The following ASTN1 variants were observed in gnomAD, a reference collection of about 807,000 sequenced individuals.
ASTN1 encodes astrotactin 1.
A neutral mutation model predicts 140.7 loss-of-function variants in ASTN1; 41 were observed. The ratio of observed to expected loss-of-function variants is 0.29; its 90% CI spans 0.23 to 0.38. ASTN1 has a LOEUF of 0.38. Among genes scored for constraint, ASTN1 ranks in the 10% least tolerant of loss-of-function variants. The probability of loss-of-function intolerance (pLI) is 1.00; values close to 1 mark genes in which losing one functional copy is unlikely to be tolerated. For missense variants in ASTN1, 1,479 were observed against 1,678.8 expected (o/e 0.88, Z 2.08); for synonymous variants, 640 against 652.2 (o/e 0.98, Z 0.29).
intron 8 of ASTN1, among the ~76,000 whole-genome samples, chr1:176,973,167 T>C (rs1449054599): frequency 1.3e-5 from 2 of 152,146 alleles, no homozygotes; most frequent in African/African-American, 4.8e-5. Context: ...CTCCCTGGTC[T>C]CAATTTCAAG....
At chr1:177,066,193 C>T (rs946957786) in intron 1 of ASTN1, among the ~76,000 whole-genome samples, 4 of 152,156 alleles carry the variant, frequency 2.6e-5, no homozygotes, top group Non-Finnish European at 4.4e-5. Flanking sequence ...ATAGGGTGGA[C>T]AGGCTTGGGA....
chr1:177,075,423 CAA>C (rs5778926), intron 1 of ASTN1, among the ~76,000 whole-genome samples: 10,012 of 145,614 alleles, frequency 0.069, 400 homozygotes, highest in Non-Finnish European at 0.092. Flanking sequence ...TTTCATTCAT[CAA>C]AAAAAAAAAA....
Position 177,030,685 on chromosome 1 carries a change from G to A in ASTN1, c.1012+121C>T. The stretch of plus-strand genomic sequence containing the variant: ...GTAGCATTTAACTGGCCTCCAGAAA[G>A]GCTGTGCCAGGGCATACCCTCTCCA... On this transcript the variant is annotated intron_variant, in intron 4 of 22. Coordinates refer to ENST00000361833, the MANE Select transcript of ASTN1 (RefSeq NM_004319.3). 3.0e-6 allele frequency: 4 copies of A among 1,345,138 alleles called. No homozygotes were observed. The Admixed American group carries it at 9.5e-5, about 32-fold the overall frequency. The allele number at this position is 1,345,138 out of a possible 1,614,324, so 83.3% of individuals were successfully genotyped here. A position where few individuals can be genotyped will look rare whatever the true frequency, so the allele number is the denominator to read the frequency against.
At chr1:177,005,874 G>T (rs570234041) in intron 8 of ASTN1, among the ~76,000 whole-genome samples, 1 of 152,158 alleles carries the variant, frequency 6.6e-6, no homozygotes, top group Non-Finnish European at 1.5e-5. Context: ...CTCCCAAAGC[G>T]CTGGGATTAC....
chr1:177,062,988 G>C (rs978213157), intron 1 of ASTN1, among the ~76,000 whole-genome samples: 1 of 152,182 alleles, frequency 6.6e-6, no homozygotes, highest in African/African-American at 2.4e-5. Flanking sequence ...GGGTAGAAGA[G>C]GGGAGGAAAG....
intron 5 of ASTN1, among the ~76,000 whole-genome samples, chr1:177,026,296 C>T (rs980600901): frequency 6.6e-6 from 1 of 152,148 alleles, no homozygotes; most frequent in African/African-American, 2.4e-5. Flanking sequence ...GCCCAGGCCT[C>T]AGATGCAGAT....
chr1:176,946,668 A>G (rs761956523), intron 12 of ASTN1, among the ~76,000 whole-genome samples: 8 of 152,198 alleles, frequency 5.3e-5, no homozygotes, highest in Non-Finnish European at 1.0e-4. Flanking sequence ...TCCAAACACA[A>G]TATCAACCCA....
Position 177,134,367 on chromosome 1 carries a change from G to A in ASTN1, c.283+30027C>T, listed in dbSNP as rs1282059053. Among the ~76,000 whole-genome samples the A allele has an allele frequency of 1.3e-5, 2 of 152,148 alleles. 1 individual carries two copies. The highest frequency in any genetic ancestry group is 3.9e-4 in the East Asian group (2 of 5,190). On this transcript the variant is annotated intron_variant, in intron 1 of 22. Transcript: ENST00000361833. ...AATCAGCTCTTACAGTTCTGATCTT[G>A]TTAGAGAACACTGATCTTCCACCCC...
intron 8 of ASTN1, among the ~76,000 whole-genome samples, chr1:176,992,437 G>A (rs1674229247): frequency 2.0e-5 from 3 of 151,674 alleles, no homozygotes; most frequent in Non-Finnish European, 2.9e-5. Context: ...TGCCTTGAAC[G>A]TTGTAAAAAA....
At chr1:176,970,731 G>GGGGTGTGT (rs1553235892) in intron 8 of ASTN1, among the ~76,000 whole-genome samples, 3 of 147,140 alleles carry the variant, frequency 2.0e-5, no homozygotes, top group African/African-American at 7.5e-5. Flanking sequence ...TGTGGGTATG[G>GGGGTGTGT]GTGTGTGTGT....
chr1:176,985,964 TG>T (rs1395372536), intron 8 of ASTN1, among the ~76,000 whole-genome samples: 9 of 149,972 alleles, frequency 6.0e-5, no homozygotes, highest in Admixed American at 5.3e-4. Flanking sequence ...GCTGAAACCC[TG>T]ATACACTCAG....
chr1:176,954,572 T>C (rs1672322378), intron 11 of ASTN1, among the ~76,000 whole-genome samples: 1 of 152,238 alleles, frequency 6.6e-6, no homozygotes, highest in South Asian at 2.1e-4. Context: ...TGTGGTAGTT[T>C]GTTACAGAGG....
chr1:177,081,014 A>G (rs926169112), intron 1 of ASTN1, among the ~76,000 whole-genome samples: 1 of 152,184 alleles, frequency 6.6e-6, no homozygotes, highest in African/African-American at 2.4e-5. Context: ...GACTCACGAG[A>G]GAGATAACAA....
At chr1:176,880,503 TCA>T (rs1380021338) in intron 20 of ASTN1, among the ~76,000 whole-genome samples, 1 of 152,226 alleles carries the variant, frequency 6.6e-6, no homozygotes, top group African/African-American at 2.4e-5. Flanking sequence ...TACCCTGGCC[TCA>T]GTTTCTTCAT....
intron 1 of ASTN1, among the ~76,000 whole-genome samples, chr1:177,086,229 T>C (rs1679462569): frequency 7.3e-6 from 1 of 137,592 alleles, no homozygotes; most frequent in Admixed American, 7.5e-5. Context: ...AGTGAGCTTC[T>C]TTCCTCTTTC....
chr1:177,149,425 A>ATATAGTAAATATATATATAGTATATG (rs1682905277), intron 1 of ASTN1, among the ~76,000 whole-genome samples: 1 of 80,182 alleles, frequency 1.2e-5, no homozygotes, highest in African/African-American at 6.5e-5. Flanking sequence ...TATAGTATAT[A>ATATAGTAAATATATATATAGTATATG]TATAGTAAAT....
intron 11 of ASTN1, among the ~76,000 whole-genome samples, chr1:176,954,940 T>C (rs1386981718): frequency 1.3e-5 from 2 of 152,322 alleles, no homozygotes; most frequent in Non-Finnish European, 1.5e-5. Flanking sequence ...CTGAGAAACA[T>C]GTCCTGCTTC....
chr1:176,969,408 T>C (rs962694330), intron 8 of ASTN1, among the ~76,000 whole-genome samples: 5 of 152,200 alleles, frequency 3.3e-5, no homozygotes, highest in African/African-American at 4.8e-5. Flanking sequence ...GAGAACTGCC[T>C]GACATATTTT....
At chr1:177,077,080 C>T (rs1357704894) in intron 1 of ASTN1, among the ~76,000 whole-genome samples, 2 of 152,058 alleles carry the variant, frequency 1.3e-5, no homozygotes, top group Non-Finnish European at 2.9e-5. Context: ...TGCAGGTGTG[C>T]GTATTTGTCA....
Sources: allele counts gnomAD v4.1 joint callset (sites outside exome capture counted in the v4.1 genomes callset), GRCh38; gene constraint gnomAD v4.1.1; transcripts MANE v1.5; gene names NCBI Gene and HGNC (gene_info 2026-07-23, HGNC 2026-07-21).